MAP3K21: variants seen among roughly 807,000 people sequenced by gnomAD.
The protein encoded by MAP3K21 is mitogen-activated protein kinase kinase kinase MLK4.
A neutral mutation model predicts 86.1 loss-of-function variants in MAP3K21; 63 were observed. The observed-to-expected ratio is 0.73, with a 90% CI of 0.60 to 0.90. The LOEUF (loss-of-function observed/expected upper bound fraction) is 0.90. MAP3K21 is among the 40% of genes least tolerant of loss of function. The pLI is 0.00. For synonymous variants in MAP3K21, 558 were observed against 564.8 expected, an observed-to-expected ratio of 0.99 and a Z score of 0.17; for missense variants, 1,220 against 1,367.7, an observed-to-expected ratio of 0.89 and a Z score of 1.70.
intron 4 of MAP3K21, among the ~76,000 whole-genome samples, chr1:233,356,006 C>T (rs968063707): frequency 6.6e-6 from 1 of 152,218 alleles, no homozygotes. Flanking sequence ...TGTCCCCAGC[C>T]ATACTGAATT....
intron 6 of MAP3K21, chr1:233,372,532 T>C: frequency 3.8e-6 from 1 of 262,676 alleles, no homozygotes; most frequent in Non-Finnish European, 7.1e-6. Flanking sequence ...TCAGGATTAC[T>C]TCTGTTTCTT....
At chr1:233,347,993 A>G (rs544284019) in intron 2 of MAP3K21, among the ~76,000 whole-genome samples, 47 of 152,320 alleles carry the variant, frequency 3.1e-4, no homozygotes, top group Admixed American at 1.6e-3. Flanking sequence ...TCGTTGAGAT[A>G]TGATTCACAT....
Position 233,354,830 on chromosome 1 carries a change from T to C in MAP3K21, c.1136-6T>C, listed in dbSNP as rs766542764. On this transcript the variant is annotated splice_region_variant and splice_polypyrimidine_tract_variant and intron_variant, in intron 3 of 9. Coordinates refer to ENST00000366624, the MANE Select transcript of MAP3K21 (RefSeq NM_032435.3). The stretch of plus-strand genomic sequence containing the variant: ...ATGGTATTAATGTGATTTTTGTTTA[T>C]TTTAGAATGCTGGCAACAAGACCCT... 5.0e-6 allele frequency: 8 copies of C among 1,613,522 alleles called. No homozygotes were observed. Among genetic ancestry groups the C allele is most frequent in the Non-Finnish European group, 6.8e-6 (8 of 1,179,636 alleles).
Position 233,328,634 on chromosome 1 carries a change from C to G in MAP3K21, c.606C>G (p.Phe202Leu). Reference sequence around the variant, plus strand: ...CGCACCTCTGCCTGGTGCTGGAGTTCGCCCGCGGCGGAGCGCTCAACCGAG... The same window carrying G: ...CGCACCTCTGCCTGGTGCTGGAGTTGGCCCGCGGCGGAGCGCTCAACCGAG... ...QQPHLCLVLE[F>L]ARGGALNRAL... is the part of the protein sequence containing the mutation. The change falls in exon 1 of 10, where the codon TTC becomes TTG. Residue 202 changes from phenylalanine to leucine, a missense_variant. Coordinates refer to ENST00000366624, the MANE Select transcript of MAP3K21 (RefSeq NM_032435.3). This position sits in a 1 kb window ranked among gnomAD's most constrained non-coding sequence, Gnocchi z 8.7. The G allele has an allele frequency of 6.9e-7, 1 of 1,451,424 alleles. No individual in the cohort carries two copies. Among genetic ancestry groups the G allele is most frequent in the Non-Finnish European group, 9.1e-7 (1 of 1,104,440 alleles). 89.9% of individuals were successfully genotyped at this position (1,451,424 alleles called of 1,614,324 possible). A position where few individuals can be genotyped will look rare whatever the true frequency, so the allele number is the denominator to read the frequency against.
rs1413063014 is a variant in MAP3K21, at chr1:233,328,757, G to A, written c.729G>A (p.Gln243=). 1 of 1,532,476 alleles carries A rather than the reference G, an allele frequency of 6.5e-7. No homozygotes were observed. Among genetic ancestry groups the A allele is most frequent in the Non-Finnish European group, 8.8e-7 (1 of 1,138,750 alleles). The allele number at this position is 1,532,476 out of a possible 1,614,324, so 94.9% of individuals were successfully genotyped here. A position where few individuals can be genotyped will look rare whatever the true frequency, so the allele number is the denominator to read the frequency against. Residue 243 remains glutamine, a synonymous_variant, in exon 1 of 10, where the codon CAG becomes CAA. Transcript: ENST00000366624. This position sits in a 1 kb window ranked among gnomAD's most constrained non-coding sequence, Gnocchi z 8.7. ...ACGTGCTGGTCAACTGGGCCGTGCA[G>A]ATAGCGCGGGGCATGCTCTACCTGC... ...PPHVLVNWAV[Q]IARGMLYLHE...
chr1:233,343,831 T>C (rs1355084930), intron 1 of MAP3K21, among the ~76,000 whole-genome samples: 1 of 152,198 alleles, frequency 6.6e-6, no homozygotes, highest in African/African-American at 2.4e-5. Flanking sequence ...ACCTGACAGG[T>C]AGAATATACT....
chr1:233,348,497 T>C (rs1033246039), intron 2 of MAP3K21, among the ~76,000 whole-genome samples: 2 of 152,214 alleles, frequency 1.3e-5, no homozygotes, highest in Non-Finnish European at 2.9e-5. Context: ...CTTGACTATA[T>C]ATCTAGGAGT....
chr1:233,327,779 C>A lies in MAP3K21; in HGVS notation c.-250C>A. The A allele has an allele frequency of 3.2e-6, 1 of 311,942 alleles. No individual in the cohort carries two copies. 19.3% of individuals were successfully genotyped at this position (311,942 alleles called of 1,614,324 possible). A position where few individuals can be genotyped will look rare whatever the true frequency, so the allele number is the denominator to read the frequency against. ...GGGCGGGCCGGCCGCAGGGCCTGGG[C>A]ACGACCATGGTGGGACGTCGCCCGC... On this transcript the variant is annotated 5_prime_UTR_variant, in exon 1 of 10. Coordinates refer to ENST00000366624, the MANE Select transcript of MAP3K21 (RefSeq NM_032435.3).
intron 4 of MAP3K21, among the ~76,000 whole-genome samples, chr1:233,361,501 C>T (rs1358423650): frequency 6.6e-6 from 1 of 152,142 alleles, no homozygotes; most frequent in East Asian, 1.9e-4. Flanking sequence ...GATTTTCTCC[C>T]TTACTCTCTC....
chr1:233,339,751 TG>T lies in MAP3K21; in HGVS notation c.806-6688del, dbSNP rs143555834. Among the ~76,000 whole-genome samples, 909 of 152,270 alleles carry T rather than the reference TG, an allele frequency of 6.0e-3. 20 individuals carry two copies. In the East Asian group the frequency reaches 0.063, roughly 11 times the overall value. On this transcript the variant is annotated intron_variant, in intron 1 of 9. Coordinates refer to ENST00000366624, the MANE Select transcript of MAP3K21 (RefSeq NM_032435.3). ...CTCCCGCTTTAGCCTCCCAAAGTGC[TG>T]GGATTACAGGCTTGAGGCACCACAT... is the stretch of plus-strand genomic sequence containing the variant.
At chr1:233,366,178 T>C (rs940761472) in intron 5 of MAP3K21, among the ~76,000 whole-genome samples, 6 of 151,984 alleles carry the variant, frequency 3.9e-5, no homozygotes, top group Non-Finnish European at 7.4e-5. Context: ...ATTGTGGTTA[T>C]TGGGGTGGGA....
intron 2 of MAP3K21, 21 bp downstream of exon 2, chr1:233,346,643 A>G (rs1166668977): frequency 1.2e-6 from 2 of 1,607,016 alleles, no homozygotes; most frequent in South Asian, 2.2e-5. Flanking sequence ...CCTTTTGCAA[A>G]CATCGGCAGA....
At chr1:233,332,470 A>C (rs1662826071) in intron 1 of MAP3K21, among the ~76,000 whole-genome samples, 1 of 152,152 alleles carries the variant, frequency 6.6e-6, no homozygotes, top group Admixed American at 6.5e-5. Context: ...GAGGAGAGGC[A>C]TGCGTGGGGC....
In MAP3K21 at chr1:233,383,989, G is replaced by A. The variant is rs1201714030; in HGVS notation, c.*1278G>A. 2 of 152,098 alleles carry A rather than the reference G, an allele frequency of 1.3e-5. No individual in the cohort carries two copies. The highest frequency in any genetic ancestry group is 1.9e-4 in the East Asian group (1 of 5,192). The allele number at this position is 152,098 out of a possible 1,614,324, so 9.4% of individuals were successfully genotyped here. ...TATTGGTGCAGAAATGGCTACCCGAGAGCTTGGTAAATTTGCCTTGGTTTC... is the reference window on the plus strand; with the variant it reads ...TATTGGTGCAGAAATGGCTACCCGAAAGCTTGGTAAATTTGCCTTGGTTTC... On this transcript the variant is annotated 3_prime_UTR_variant, in exon 10 of 10. Coordinates refer to ENST00000366624, the MANE Select transcript of MAP3K21 (RefSeq NM_032435.3).
intron 5 of MAP3K21, among the ~76,000 whole-genome samples, chr1:233,365,953 A>G (rs1197075614): frequency 6.6e-6 from 1 of 152,224 alleles, no homozygotes; most frequent in Non-Finnish European, 1.5e-5. Flanking sequence ...GTGTCCATCA[A>G]TGGATGAATG....
At position 233,379,465 on chromosome 1, in the gene MAP3K21, C is replaced by T; in HGVS notation, c.2459C>T (p.Pro820Leu). Residue 820 changes from proline to leucine, a missense_variant, in exon 9 of 10, where the codon CCA becomes CTA. By Grantham distance (98) the Pro-to-Leu change is moderately conservative. Around this residue, in one of 5 missense-constraint regions of MAP3K21, gnomAD observed 632 missense variants for 691.3 expected, o/e 0.91. Transcript: ENST00000366624. Reference sequence around the variant, plus strand: ...CTGCTGCAGATGGACAGTGAAGATCCACTGGTGGACAGTGCACCTGTCACT... The same window carrying T: ...CTGCTGCAGATGGACAGTGAAGATCTACTGGTGGACAGTGCACCTGTCACT... ...KCLLQMDSED[P>L]LVDSAPVTCD... The T allele has an allele frequency of 6.2e-7, 1 of 1,614,144 alleles. No individual in the cohort carries two copies. The highest frequency in any genetic ancestry group is 8.5e-7 in the Non-Finnish European group (1 of 1,180,032).
At position 233,328,458 on chromosome 1, in the gene MAP3K21, C is replaced by A. The variant is rs765488772; in HGVS notation, c.430C>A (p.Gln144Lys). 45 of 1,497,134 alleles carry A rather than the reference C, an allele frequency of 3.0e-5. No individual in the cohort carries two copies. The African/African-American group carries it at 5.9e-4, about 20-fold the overall frequency. The allele number at this position is 1,497,134 out of a possible 1,614,324, so 92.7% of individuals were successfully genotyped here. The change falls in exon 1 of 10, where the codon CAG (glutamine) becomes AAG (lysine). Residue 144 changes from glutamine (Q) to lysine (K), a missense_variant. Physicochemically the swap from Gln to Lys is moderately conservative, Grantham distance 53 (BLOSUM62 1). Transcript: ENST00000366624. This position sits in a 1 kb window ranked among gnomAD's most constrained non-coding sequence, Gnocchi z 8.7. ...GFGQVYRATW[Q>K]GQEVAVKAAR... Reference sequence around the variant, plus strand: ...CGGGCAGGTGTACCGCGCCACCTGGCAGGGCCAGGAGGTGGCCGTGAAGGC... The same window carrying A: ...CGGGCAGGTGTACCGCGCCACCTGGAAGGGCCAGGAGGTGGCCGTGAAGGC...
chr1:233,333,344 C>T (rs1404690156), intron 1 of MAP3K21, among the ~76,000 whole-genome samples: 1 of 152,192 alleles, frequency 6.6e-6, no homozygotes, highest in Non-Finnish European at 1.5e-5. Context: ...CTGAGATCTA[C>T]ATCTGCTTTT....
chr1:233,372,083 A>C lies in MAP3K21; in HGVS notation c.1598A>C (p.Lys533Thr). The stretch of plus-strand genomic sequence containing the variant: ...GTGCAGGCCTCTCCCAACTTGGACA[A>C]ACGGCGGAGCCTGAACAGCAGCAGT... ...ITVQASPNLDKRRSLNSSSSS... is the reference protein window; with the variant it reads ...ITVQASPNLDTRRSLNSSSSS... Residue 533 changes from lysine to threonine, a missense_variant, in exon 6 of 10, where the codon AAA becomes ACA. Around this residue, in one of 5 missense-constraint regions of MAP3K21, gnomAD observed 632 missense variants for 691.3 expected, o/e 0.91. Transcript: ENST00000366624. The C allele has an allele frequency of 6.2e-7, 1 of 1,614,082 alleles. No individual in the cohort carries two copies. Among genetic ancestry groups the C allele is most frequent in the South Asian group, 1.1e-5 (1 of 91,052 alleles).
Sources: gnomAD v4.1 joint callset for allele counts (sites outside exome capture counted in the v4.1 genomes callset) on GRCh38, gnomAD v4.1.1 for gene constraint, gnomAD v4.1.1 regional missense constraint, Gnocchi (gnomAD v3.1) non-coding constraint, MANE v1.5 for transcripts, NCBI Gene and HGNC (gene_info 2026-07-23, HGNC 2026-07-21) for gene names.